Variants in PDE1C observed in about 807,000 individuals in gnomAD.
PDE1C encodes phosphodiesterase 1C.
A neutral mutation model predicts 93.1 loss-of-function variants in PDE1C; 62 were observed. That is an observed-to-expected ratio of 0.67 (90% confidence interval 0.54 to 0.82). The LOEUF is 0.82. Ranked by LOEUF, PDE1C falls within the 40% of genes least tolerant of loss-of-function variation. PDE1C has a pLI of 0.00. For missense variants in PDE1C, 742 were observed against 884.6 expected, an observed-to-expected ratio of 0.84 and a Z score of 2.04; for synonymous variants, 325 against 310.1, an observed-to-expected ratio of 1.05 and a Z score of -0.50.
intron 3 of PDE1C, among the ~76,000 whole-genome samples, chr7:32,092,582 A>C (rs1216806451): frequency 6.6e-6 from 1 of 152,166 alleles, no homozygotes; most frequent in Non-Finnish European, 1.5e-5. Context: ...CACAATCAAG[A>C]GTGAATCTGG....
At chr7:31,847,904 A>C in intron 9 of PDE1C, 64 bp downstream of exon 9, 1 of 1,558,492 alleles carries the variant, frequency 6.4e-7, no homozygotes, top group East Asian at 2.2e-5. Context: ...CAAAAACAGC[A>C]TACTTCATCC....
At chr7:32,198,564 A>G (rs1183136958) in intron 2 of PDE1C, among the ~76,000 whole-genome samples, 1 of 152,190 alleles carries the variant, frequency 6.6e-6, no homozygotes, top group Non-Finnish European at 1.5e-5. Flanking sequence ...GGGTTTGAGC[A>G]TTATCACTGT....
intron 1 of PDE1C, among the ~76,000 whole-genome samples, chr7:32,269,296 A>T (rs1810807636): frequency 6.6e-6 from 1 of 152,184 alleles, no homozygotes; most frequent in South Asian, 2.1e-4. Context: ...TCTAGGTGAG[A>T]CCAGTATCCA....
At position 31,969,762 on chromosome 7, in the gene PDE1C, A is replaced by G. The variant is rs1261413550; in HGVS notation, c.128+81792T>C. 8.5e-5 allele frequency among the ~76,000 whole-genome samples: 13 copies of G among 152,336 alleles called. No homozygotes were observed. In the East Asian group the frequency reaches 2.5e-3, roughly 29 times the overall value. On this transcript the variant is annotated intron_variant, in intron 2 of 17. Transcript: ENST00000396191. ...CAACCCAAATGCCCATCAATGATAG[A>G]CTGGATTAAGAAAATGTGGCACATA...
intron 2 of PDE1C, among the ~76,000 whole-genome samples, chr7:32,004,038 T>C (rs895529853): frequency 2.0e-5 from 3 of 152,118 alleles, no homozygotes; most frequent in Admixed American, 2.0e-4. Context: ...CTGTACGTGT[T>C]CATGTGGAGC....
intron 16 of PDE1C, chr7:31,783,852 C>T (rs1225825061): frequency 4.6e-5 from 7 of 152,216 alleles, no homozygotes; most frequent in Admixed American, 4.6e-4. Context: ...ATGCAAATTA[C>T]AACCTGCATT....
At chr7:32,298,740 C>A in exon 1 of PDE1C, 2 of 1,586,898 alleles carry the variant, frequency 1.3e-6, no homozygotes, top group South Asian at 1.1e-5. Flanking sequence ...CGTCATGGCT[C>A]GGCCGGCCGG....
intron 2 of PDE1C, among the ~76,000 whole-genome samples, chr7:31,953,192 C>T (rs1048933149): frequency 1.3e-5 from 2 of 152,124 alleles, no homozygotes; most frequent in African/African-American, 2.4e-5. Flanking sequence ...GTATCTTTAA[C>T]CAAACTACTT....
chr7:31,806,470 G>T (rs1382609303), intron 16 of PDE1C, among the ~76,000 whole-genome samples: 1 of 151,900 alleles, frequency 6.6e-6, no homozygotes. Flanking sequence ...TTTCTCCCTA[G>T]GGGTAAGTAA....
intron 1 of PDE1C, among the ~76,000 whole-genome samples, chr7:32,384,607 A>T (rs1488023339): frequency 6.6e-6 from 1 of 152,186 alleles, no homozygotes; most frequent in African/African-American, 2.4e-5. Flanking sequence ...AGTCAGATGC[A>T]AGGAGTGGAG....
chr7:31,789,484 G>T, intron 16 of PDE1C: 1 of 223,740 alleles, frequency 4.5e-6, no homozygotes, highest in Non-Finnish European at 7.5e-6. Flanking sequence ...AGTTATCAAT[G>T]CTACCAGTGG....
At chr7:32,130,669 A>G (rs2128771196) in intron 3 of PDE1C, among the ~76,000 whole-genome samples, 1 of 152,178 alleles carries the variant, frequency 6.6e-6, no homozygotes. Flanking sequence ...ATTCACCAAA[A>G]AATCTAGCCA....
rs1554400019 is a variant in PDE1C at position 31,896,020 on chromosome 7, T to TACAC, written c.129-15164_129-15161dup. Among the ~76,000 whole-genome samples, 556 of 151,382 alleles carry TACAC rather than the reference T, an allele frequency of 3.7e-3. 2 individuals carry two copies. Among genetic ancestry groups the TACAC allele is most frequent in the African/African-American group, 0.012 (499 of 41,106 alleles). ...ATACATACATACATACATACATACA[T>TACAC]ACACACACAAACACACACACAAACT... is the stretch of plus-strand genomic sequence containing the variant. On this transcript the variant is annotated intron_variant, in intron 2 of 17. Transcript: ENST00000396191.
At chr7:32,418,437 CA>C (rs1785320670) in intron 1 of PDE1C, among the ~76,000 whole-genome samples, 2 of 152,252 alleles carry the variant, frequency 1.3e-5, no homozygotes, top group South Asian at 4.1e-4. Context: ...ATGCCTGGCA[CA>C]GGGTAAGTGC....
the PDE1C span, chr7:31,642,234 G>A: frequency 6.4e-7 from 1 of 1,556,772 alleles, no homozygotes; most frequent in East Asian, 2.4e-5. Flanking sequence ...TCCTGGAGGA[G>A]CCGCTGGAAC....
At chr7:32,293,187 C>T (rs922750865) in intron 1 of PDE1C, among the ~76,000 whole-genome samples, 7 of 152,168 alleles carry the variant, frequency 4.6e-5, no homozygotes, top group African/African-American at 1.7e-4. Flanking sequence ...CATGTTCACC[C>T]ACAAGGAAGG....
chr7:31,895,079 G>T (rs1799109232), intron 2 of PDE1C, among the ~76,000 whole-genome samples: 1 of 152,152 alleles, frequency 6.6e-6, no homozygotes. Flanking sequence ...ATCTGAGATA[G>T]AGGAAGGCCA....
At chr7:32,111,998 A>G (rs1338646816) in intron 3 of PDE1C, among the ~76,000 whole-genome samples, 1 of 152,220 alleles carries the variant, frequency 6.6e-6, no homozygotes, top group Non-Finnish European at 1.5e-5. Flanking sequence ...ATTTGTGGCA[A>G]TAATATTATC....
At chr7:31,944,567 G>A (rs1054645450) in intron 2 of PDE1C, among the ~76,000 whole-genome samples, 4 of 152,160 alleles carry the variant, frequency 2.6e-5, no homozygotes, top group African/African-American at 7.2e-5. Context: ...TGGGTGTTCT[G>A]TTCCCACATG....
Sources: allele counts gnomAD v4.1 joint callset (sites outside exome capture counted in the v4.1 genomes callset), GRCh38; gene constraint gnomAD v4.1.1; transcripts MANE v1.5; gene names NCBI Gene and HGNC (gene_info 2026-07-23, HGNC 2026-07-21).